SSU72: variants seen among roughly 807,000 people sequenced by gnomAD.
The protein encoded by SSU72 is SSU72 homolog, RNA polymerase II CTD phosphatase, also known as RNA polymerase II subunit A C-terminal domain phosphatase SSU72.
In SSU72, 12 loss-of-function variants were observed where a neutral mutation model predicts 22.7. That is an observed-to-expected ratio of 0.53 (90% CI 0.34 to 0.86). SSU72 has a LOEUF of 0.86. Ranked by LOEUF, SSU72 falls within the 40% of genes least tolerant of loss-of-function variation. The pLI, the probability that SSU72 is intolerant of heterozygous loss-of-function variation, is 0.02. For missense variants in SSU72, 151 were observed against 249.8 expected, an observed-to-expected ratio of 0.60 and a Z score of 2.67; for synonymous variants, 116 against 98.3, an observed-to-expected ratio of 1.18 and a Z score of -1.06.
chr1:1,552,396 G>T (rs533183919), intron 2 of SSU72, among the ~76,000 whole-genome samples: 2 of 152,368 alleles, frequency 1.3e-5, no homozygotes, highest in East Asian at 1.9e-4. Context: ...GAGGTCAAAG[G>T]TCAGGGAGCA....
intron 1 of SSU72, among the ~76,000 whole-genome samples, chr1:1,573,761 C>A (rs975600606): frequency 1.3e-5 from 2 of 152,112 alleles, no homozygotes; most frequent in African/African-American, 4.8e-5. Flanking sequence ...GTAAAAAAGC[C>A]ATTTCAACTT....
chr1:1,541,750 G>C lies in SSU72; in HGVS notation c.*316C>G. The C allele has an allele frequency of 2.6e-6, 1 of 382,998 alleles. No individual in the cohort carries two copies. The highest frequency in any genetic ancestry group is 6.4e-5 in the East Asian group (1 of 15,508). The allele number at this position is 382,998 out of a possible 1,614,324, so 23.7% of individuals were successfully genotyped here. A position where few individuals can be genotyped will look rare whatever the true frequency, so the allele number is the denominator to read the frequency against. On this transcript the variant is annotated 3_prime_UTR_variant, in exon 5 of 5. Coordinates refer to ENST00000291386, the MANE Select transcript of SSU72 (RefSeq NM_014188.3). ...GCAGGGCTCTGTACAGTCCGGCCCG[G>C]TGGGGAGGAGGGAGGGAAGGCAGGC...
chr1:1,567,707 A>G (rs1315976288), intron 1 of SSU72, among the ~76,000 whole-genome samples: 1 of 152,144 alleles, frequency 6.6e-6, no homozygotes, highest in Admixed American at 6.6e-5. Context: ...ACTTGAGGTC[A>G]GGAGTTCGAC....
In SSU72 at chr1:1,541,968, C is replaced by G. The variant is rs1174768554; in HGVS notation, c.*98G>C. 5.2e-6 allele frequency: 6 copies of G among 1,158,316 alleles called. No individual in the cohort carries two copies. The highest frequency in any genetic ancestry group is 5.2e-5 in the East Asian group (2 of 38,650). 71.8% of individuals were successfully genotyped at this position (1,158,316 alleles called of 1,614,324 possible). Reference sequence around the variant, plus strand: ...GCACAGTTTATTTGGGTAATGCTACCGTCACCAGCAGAACACCTGTAAGTA... The same window carrying G: ...GCACAGTTTATTTGGGTAATGCTACGGTCACCAGCAGAACACCTGTAAGTA... On this transcript the variant is annotated 3_prime_UTR_variant, in exon 5 of 5. Transcript: ENST00000291386.
Position 1,541,847 on chromosome 1 carries a change from CT to C in SSU72, c.*218del. The C allele has an allele frequency of 1.8e-6, 1 of 543,322 alleles. No individual in the cohort carries two copies. Among genetic ancestry groups the C allele is most frequent in the Non-Finnish European group, 3.3e-6 (1 of 302,674 alleles). 33.7% of individuals were successfully genotyped at this position (543,322 alleles called of 1,614,324 possible). ...TTCCTTTTTGGTTAAAGAAGAAAAA[CT>C]TTGTAATCAATATCCTGCTCATAAG... is the stretch of plus-strand genomic sequence containing the variant. On this transcript the variant is annotated 3_prime_UTR_variant, in exon 5 of 5. Coordinates refer to ENST00000291386, the MANE Select transcript of SSU72 (RefSeq NM_014188.3).
chr1:1,562,628 C>A (rs1428781479), intron 2 of SSU72: 1 of 152,352 alleles, frequency 6.6e-6, no homozygotes, highest in Non-Finnish European at 1.5e-5. Context: ...TTGGAATAGG[C>A]TCTGTGGCCA....
Position 1,564,847 on chromosome 1 carries a change from G to C in SSU72, c.150C>G (p.Asp50Glu), listed in dbSNP as rs1642639396. 6.2e-7 allele frequency: 1 copy of C among 1,614,180 alleles called. No individual in the cohort carries two copies. The highest frequency in any genetic ancestry group is 8.5e-7 in the Non-Finnish European group (1 of 1,180,042). ...THVKLPGPAP[D>E]KPNVYDFKTT... ...TTTTGAAATCATAAACATTGGGCTT[G>C]TCGGGAGCTGGTCCTGGAAGCTTCA... The change falls in exon 2 of 5, where the codon GAC becomes GAG. Residue 50 changes from aspartate (D) to glutamate (E), a missense_variant. Coordinates refer to ENST00000291386, the MANE Select transcript of SSU72 (RefSeq NM_014188.3).
intron 2 of SSU72, among the ~76,000 whole-genome samples, chr1:1,560,431 G>A (rs990104652): frequency 6.6e-5 from 10 of 152,130 alleles, no homozygotes; most frequent in African/African-American, 9.7e-5. Flanking sequence ...GGCGTGGCTC[G>A]TCTAACTTTA....
chr1:1,562,059 CTTCT>C (rs1642600673), intron 2 of SSU72: 1 of 152,290 alleles, frequency 6.6e-6, no homozygotes, highest in African/African-American at 2.4e-5. Context: ...GGCTCAGCTC[CTTCT>C]TTTAGAATGA....
At chr1:1,560,969 C>G (rs1255111679) in intron 2 of SSU72, 2 of 152,360 alleles carry the variant, frequency 1.3e-5, no homozygotes, top group East Asian at 3.9e-4. Flanking sequence ...TGGGCATGCA[C>G]AGAGAAACCT....
intron 2 of SSU72, among the ~76,000 whole-genome samples, chr1:1,551,285 A>G (rs1048432407): frequency 2.0e-5 from 3 of 152,126 alleles, no homozygotes; most frequent in Non-Finnish European, 2.9e-5. Flanking sequence ...CTAGAAAAAT[A>G]AGCCCCACAG....
chr1:1,567,484 C>T (rs148073100), intron 1 of SSU72, among the ~76,000 whole-genome samples: 192 of 152,298 alleles, frequency 1.3e-3, no homozygotes, highest in African/African-American at 4.4e-3. Flanking sequence ...GACATTCAGT[C>T]ATAACCACAG....
intron 2 of SSU72, among the ~76,000 whole-genome samples, chr1:1,557,060 C>T (rs1642530358): frequency 6.6e-6 from 1 of 152,222 alleles, no homozygotes; most frequent in Non-Finnish European, 1.5e-5. Context: ...TGGGAATCGG[C>T]GTCTGGCTTA....
chr1:1,564,539 G>C, intron 2 of SSU72: 1 of 1,554,084 alleles, frequency 6.4e-7, no homozygotes, highest in Admixed American at 2.0e-5. Context: ...ACCACGTCAG[G>C]GTGAACCCCA....
chr1:1,542,307 C>T lies in SSU72; in HGVS notation c.484-140G>A, dbSNP rs1642331882. 2.6e-6 allele frequency: 2 copies of T among 777,944 alleles called. No individual in the cohort carries two copies. Among genetic ancestry groups the T allele is most frequent in the South Asian group, 1.7e-5 (1 of 57,836 alleles). The allele number at this position is 777,944 out of a possible 1,614,324, so 48.2% of individuals were successfully genotyped here. A position where few individuals can be genotyped will look rare whatever the true frequency, so the allele number is the denominator to read the frequency against. On this transcript the variant is annotated intron_variant, in intron 4 of 4. Coordinates refer to ENST00000291386, the MANE Select transcript of SSU72 (RefSeq NM_014188.3). This position sits in a 1 kb window ranked among gnomAD's most constrained non-coding sequence, Gnocchi z 4.4. Reference sequence around the variant, plus strand: ...GCAGGCCCTCACCCCACCGCTGCTGCCTCACAAGGACGGCCGGAGGCTGCA... The same window carrying T: ...GCAGGCCCTCACCCCACCGCTGCTGTCTCACAAGGACGGCCGGAGGCTGCA...
At chr1:1,559,073 G>A (rs146887222) in intron 2 of SSU72, among the ~76,000 whole-genome samples, 1,689 of 152,332 alleles carry the variant, frequency 0.011, 18 homozygotes, top group Non-Finnish European at 0.019. Context: ...CAAGCCCCTC[G>A]GCAGGACACC....
In SSU72 at chr1:1,541,697, A is replaced by G. The variant is rs1642320845; in HGVS notation, c.*369T>C. On this transcript the variant is annotated 3_prime_UTR_variant, in exon 5 of 5. Transcript: ENST00000291386. Reference sequence around the variant, plus strand: ...ATGACAGCAGCATCTGTTTATTGACAATTCCAGGTCATTCCTAACACGCCG... The same window carrying G: ...ATGACAGCAGCATCTGTTTATTGACGATTCCAGGTCATTCCTAACACGCCG... 8.4e-6 allele frequency: 2 copies of G among 237,894 alleles called. No individual in the cohort carries two copies. Among genetic ancestry groups the G allele is most frequent in the South Asian group, 8.8e-5 (2 of 22,710 alleles). 14.7% of individuals were successfully genotyped at this position (237,894 alleles called of 1,614,324 possible). A position where few individuals can be genotyped will look rare whatever the true frequency, so the allele number is the denominator to read the frequency against.
chr1:1,564,386 G>GCAGA (rs1642632497), intron 2 of SSU72: 1 of 1,267,040 alleles, frequency 7.9e-7, no homozygotes, highest in African/African-American at 1.5e-5. Context: ...TGTGTATCAG[G>GCAGA]CACGCACGCA....
chr1:1,553,288 ACTT>A (rs1557498619), intron 2 of SSU72, among the ~76,000 whole-genome samples: 1 of 152,080 alleles, frequency 6.6e-6, no homozygotes, highest in Non-Finnish European at 1.5e-5. Flanking sequence ...AACATAAGGG[ACTT>A]CTTATCTCCA....
Sources: gnomAD v4.1 joint callset for allele counts (sites outside exome capture counted in the v4.1 genomes callset) on GRCh38, gnomAD v4.1.1 for gene constraint, Gnocchi (gnomAD v3.1) non-coding constraint, MANE v1.5 for transcripts, NCBI Gene and HGNC (gene_info 2026-07-23, HGNC 2026-07-21) for gene names.